CCDC102B: variants seen among roughly 807,000 people sequenced by gnomAD.
CCDC102B encodes the protein coiled-coil domain-containing protein 102B.
A neutral mutation model predicts 57.4 loss-of-function variants in CCDC102B; 75 were observed. That is an observed-to-expected ratio of 1.31 (90% CI 1.08 to 1.58). The LOEUF (loss-of-function observed/expected upper bound fraction) is 1.58, where lower values mean the gene tolerates loss of function less well. Ranked by LOEUF, CCDC102B falls within the 40% of genes most tolerant of loss-of-function variation. The pLI is 0.00. For synonymous variants in CCDC102B, 206 were observed against 201.9 expected (o/e 1.02, Z -0.17); for missense variants, 636 against 582.6 (o/e 1.09, Z -0.94).
At chr18:68,938,835 C>T (rs2049309467) in intron 6 of CCDC102B, among the ~76,000 whole-genome samples, 1 of 151,226 alleles carries the variant, frequency 6.6e-6, no homozygotes, top group Non-Finnish European at 1.5e-5. Context: ...TATCTAGATA[C>T]CTCATATATT....
intron 5 of CCDC102B, among the ~76,000 whole-genome samples, chr18:68,887,087 T>G (rs1030169835): frequency 5.9e-5 from 9 of 152,142 alleles, no homozygotes; most frequent in Non-Finnish European, 1.0e-4. Context: ...CAAAGGTTTT[T>G]CCTCATGTAT....
At chr18:68,983,012 A>G (rs1014515622) in intron 6 of CCDC102B, among the ~76,000 whole-genome samples, 1 of 151,922 alleles carries the variant, frequency 6.6e-6, no homozygotes, top group African/African-American at 2.4e-5. Context: ...TGTACCATAC[A>G]TTAAAATATA....
chr18:68,747,360 T>G (rs963902650), intron 2 of CCDC102B, among the ~76,000 whole-genome samples: 3 of 152,116 alleles, frequency 2.0e-5, no homozygotes, highest in Non-Finnish European at 4.4e-5. Context: ...CTTATTTTAC[T>G]TAACATAATG....
At chr18:68,750,158 G>A (rs1395690318) in intron 2 of CCDC102B, among the ~76,000 whole-genome samples, 1 of 152,182 alleles carries the variant, frequency 6.6e-6, no homozygotes, top group Non-Finnish European at 1.5e-5. Flanking sequence ...AGACATTTGT[G>A]CAGCCAACAG....
At chr18:68,888,028 A>T (rs2039948687) in intron 5 of CCDC102B, among the ~76,000 whole-genome samples, 1 of 152,224 alleles carries the variant, frequency 6.6e-6, no homozygotes, top group Non-Finnish European at 1.5e-5. Flanking sequence ...ACATTAAGAC[A>T]GGTATCATGA....
At chr18:68,874,882 G>A in intron 5 of CCDC102B, 97 bp downstream of exon 5, 1 of 730,762 alleles carries the variant, frequency 1.4e-6, no homozygotes, top group Non-Finnish European at 2.3e-6. Flanking sequence ...CGTGCCTTTG[G>A]TTACTTTATG....
chr18:68,800,946 C>CTAT (rs1193918176), intron 1 of CCDC102B, among the ~76,000 whole-genome samples: 4 of 151,868 alleles, frequency 2.6e-5, no homozygotes, highest in Non-Finnish European at 5.9e-5. Context: ...TCTGGGATAA[C>CTAT]ATTCATTTTC....
chr18:68,763,671 G>A (rs1205613463), intron 2 of CCDC102B, among the ~76,000 whole-genome samples: 2 of 148,350 alleles, frequency 1.3e-5, no homozygotes, highest in African/African-American at 2.6e-5. Flanking sequence ...TCTGTATTGA[G>A]GAATATTTGT....
chr18:68,988,446 C>G (rs978074778), intron 6 of CCDC102B, among the ~76,000 whole-genome samples: 1 of 151,682 alleles, frequency 6.6e-6, no homozygotes, highest in Admixed American at 6.6e-5. Flanking sequence ...GAGTACTATT[C>G]TCACTACTTC....
chr18:68,820,862 A>G (rs1321319125), intron 1 of CCDC102B, among the ~76,000 whole-genome samples: 1 of 152,206 alleles, frequency 6.6e-6, no homozygotes, highest in Non-Finnish European at 1.5e-5. Context: ...ATTTAAAAGC[A>G]TGGACCAAAC....
intron 4 of CCDC102B, among the ~76,000 whole-genome samples, chr18:68,855,866 C>T (rs868229101): frequency 6.6e-6 from 1 of 152,060 alleles, no homozygotes; most frequent in African/African-American, 2.4e-5. Context: ...GTAATTTTCT[C>T]TTTCCCATAG....
At chr18:68,742,005 A>G (rs116539565) in intron 2 of CCDC102B, among the ~76,000 whole-genome samples, 1 of 152,320 alleles carries the variant, frequency 6.6e-6, no homozygotes, top group African/African-American at 2.4e-5. Flanking sequence ...TCAAACATCA[A>G]AAAATGGAGG....
intron 2 of CCDC102B, among the ~76,000 whole-genome samples, chr18:68,784,230 G>C (rs2035107320): frequency 6.6e-6 from 1 of 152,062 alleles, no homozygotes; most frequent in Non-Finnish European, 1.5e-5. Context: ...TTTTGTAGGG[G>C]GCAGCGCTCA....
At chr18:68,836,675 AAAAAG>A in intron 1 of CCDC102B, 69 bp from the exon 2 acceptor site, 2 of 1,206,276 alleles carry the variant, frequency 1.7e-6, no homozygotes, top group Non-Finnish European at 2.2e-6. Context: ...AAAAAAAAAA[AAAAAG>A]TGTAGGTCTT....
chr18:68,932,695 C>A (rs2041716194), intron 6 of CCDC102B, among the ~76,000 whole-genome samples: 1 of 151,858 alleles, frequency 6.6e-6, no homozygotes, highest in Admixed American at 6.6e-5. Context: ...AAACAAAACA[C>A]CGTTATGACA....
intron 5 of CCDC102B, among the ~76,000 whole-genome samples, chr18:68,891,382 A>T (rs1007735921): frequency 6.6e-6 from 1 of 152,164 alleles, no homozygotes; most frequent in Non-Finnish European, 1.5e-5. Context: ...TCCTGATTTA[A>T]TTCATGCTGG....
intron 6 of CCDC102B, among the ~76,000 whole-genome samples, chr18:69,010,560 A>T (rs1325328970): frequency 6.6e-6 from 1 of 152,146 alleles, no homozygotes; most frequent in African/African-American, 2.4e-5. Flanking sequence ...TAGTGTGCTA[A>T]CTTTTAGCAT....
intron 1 of CCDC102B, among the ~76,000 whole-genome samples, chr18:68,815,739 ACTT>A (rs554488639): frequency 1.3e-4 from 19 of 151,740 alleles, no homozygotes; most frequent in African/African-American, 4.4e-4. Context: ...TTTTGCACAA[ACTT>A]CTTTTTTTCA....
At chr18:68,716,647 C>T (rs774065878) in intron 2 of CCDC102B, 1 of 152,130 alleles carries the variant, frequency 6.6e-6, no homozygotes, top group African/African-American at 2.4e-5. Context: ...AAATACTGAT[C>T]AAGTCCCAGG....
Sources: gnomAD v4.1 joint callset for allele counts (sites outside exome capture counted in the v4.1 genomes callset) on GRCh38, gnomAD v4.1.1 for gene constraint, MANE v1.5 for transcripts, NCBI Gene and HGNC (gene_info 2026-07-23, HGNC 2026-07-21) for gene names.